EPC1: variants seen among roughly 807,000 people sequenced by gnomAD.
EPC1 encodes enhancer of polycomb 1.
EPC1 carries 12 observed loss-of-function variants against 98.4 expected under a neutral mutation model. That is an observed-to-expected ratio of 0.12 (90% confidence interval 0.08 to 0.20). The LOEUF (loss-of-function observed/expected upper bound fraction) is 0.20. Ranked by LOEUF, EPC1 falls within the 10% of genes least tolerant of loss-of-function variation. EPC1 has a pLI of 1.00. For synonymous variants in EPC1, 357 were observed against 363.9 expected, an observed-to-expected ratio of 0.98 and a Z score of 0.21; for missense variants, 729 against 990.5, an observed-to-expected ratio of 0.74 and a Z score of 3.54.
chr10:32,355,610 T>TG (rs1196727420), intron 1 of EPC1, among the ~76,000 whole-genome samples: 1 of 740 alleles, frequency 1.4e-3, no homozygotes, highest in South Asian at 0.071. Flanking sequence ...CCTTACCCTT[T>TG]TTTTTTTTTT....
intron 1 of EPC1, among the ~76,000 whole-genome samples, chr10:32,342,563 C>T (rs1270100807): frequency 6.6e-6 from 1 of 152,146 alleles, no homozygotes; most frequent in Non-Finnish European, 1.5e-5. Flanking sequence ...CTGTTAGAAT[C>T]CTATAGAACC....
intron 2 of EPC1, among the ~76,000 whole-genome samples, 171 bp downstream of exon 2, chr10:32,305,601 T>C (rs1835833185): frequency 6.6e-6 from 1 of 152,132 alleles, no homozygotes; most frequent in Admixed American, 6.5e-5. Flanking sequence ...TCTTTTCTTG[T>C]CAGATATCTC....
At chr10:32,371,861 C>A (rs570321872) in intron 1 of EPC1, among the ~76,000 whole-genome samples, 1 of 152,064 alleles carries the variant, frequency 6.6e-6, no homozygotes, top group Non-Finnish European at 1.5e-5. Context: ...CAAGATCGAG[C>A]CACTGCACTT....
chr10:32,376,225 G>A (rs756945489), intron 1 of EPC1, among the ~76,000 whole-genome samples: 1 of 151,956 alleles, frequency 6.6e-6, no homozygotes, highest in Non-Finnish European at 1.5e-5. Flanking sequence ...AGAACAAAGA[G>A]CATTGCATAG....
chr10:32,376,631 A>G (rs1392148780), intron 1 of EPC1, among the ~76,000 whole-genome samples: 3 of 152,256 alleles, frequency 2.0e-5, no homozygotes, highest in East Asian at 1.9e-4. Context: ...AAAGGGATAT[A>G]TAGATAGAGT....
At chr10:32,370,984 A>C (rs148633959) in intron 1 of EPC1, among the ~76,000 whole-genome samples, 7 of 152,288 alleles carry the variant, frequency 4.6e-5, no homozygotes, top group Non-Finnish European at 1.0e-4. Context: ...CAGCTTCTTG[A>C]GAAGACCTCC....
chr10:32,271,509 T>C (rs1835841503), intron 13 of EPC1, 45 bp downstream of exon 13: 1 of 1,583,972 alleles, frequency 6.3e-7, no homozygotes, highest in Non-Finnish European at 8.6e-7. Flanking sequence ...AGGACTGAAG[T>C]TAGATCTCTT....
intron 2 of EPC1, among the ~76,000 whole-genome samples, chr10:32,298,946 A>G (rs1482861039): frequency 6.6e-6 from 1 of 152,206 alleles, no homozygotes; most frequent in Non-Finnish European, 1.5e-5. Flanking sequence ...TTTAGGAAAA[A>G]AGTATCCGTT....
chr10:32,319,030 T>C (rs950226753), intron 1 of EPC1, among the ~76,000 whole-genome samples: 4 of 152,316 alleles, frequency 2.6e-5, no homozygotes, highest in African/African-American at 9.6e-5. Context: ...AGAATAAGCA[T>C]CTAATAGAAC....
intron 1 of EPC1, among the ~76,000 whole-genome samples, chr10:32,362,941 T>C (rs1173804240): frequency 1.3e-5 from 2 of 152,204 alleles, no homozygotes; most frequent in Non-Finnish European, 2.9e-5. Flanking sequence ...CTTTACACCA[T>C]ACCTCCTTGG....
chr10:32,346,933 C>G lies in EPC1; in HGVS notation c.-18G>C, dbSNP rs775550844. On this transcript the variant is annotated 5_prime_UTR_variant, in exon 1 of 14. Coordinates refer to ENST00000319778, the MANE Select transcript of EPC1 (RefSeq NM_001272004.3). Reference sequence around the variant, plus strand: ...TTACTCATCTCAGGCGCAGCAGATACCTCTCCGCTCTGGGGAAACGGCCCC... The same window carrying G: ...TTACTCATCTCAGGCGCAGCAGATAGCTCTCCGCTCTGGGGAAACGGCCCC... The G allele has an allele frequency of 6.2e-7, 1 of 1,611,566 alleles. No homozygotes were observed. The highest frequency in any genetic ancestry group is 2.2e-5 in the East Asian group (1 of 44,820).
At chr10:32,340,415 T>A (rs60873997) in intron 1 of EPC1, among the ~76,000 whole-genome samples, 5 of 152,338 alleles carry the variant, frequency 3.3e-5, no homozygotes, top group African/African-American at 1.2e-4. Flanking sequence ...CCACTATATT[T>A]AAAATACTGT....
At chr10:32,363,793 C>T (rs1043106930) in intron 1 of EPC1, among the ~76,000 whole-genome samples, 3 of 151,966 alleles carry the variant, frequency 2.0e-5, no homozygotes, top group African/African-American at 4.8e-5. Context: ...TGAGTTGTTC[C>T]GATAACTGTG....
upstream of EPC1, among the ~76,000 whole-genome samples, chr10:32,351,077 G>A (rs750536500): frequency 1.3e-5 from 2 of 152,114 alleles, no homozygotes; most frequent in Non-Finnish European, 2.9e-5. Flanking sequence ...TTCTGTTGGT[G>A]GCTAGTGGTA....
chr10:32,325,340 C>T (rs908063113), intron 1 of EPC1, among the ~76,000 whole-genome samples: 1 of 152,204 alleles, frequency 6.6e-6, no homozygotes, highest in Non-Finnish European at 1.5e-5. Context: ...ACACATACCT[C>T]ACCCCACAAT....
chr10:32,330,487 A>G (rs1837577152), intron 1 of EPC1, among the ~76,000 whole-genome samples: 1 of 152,164 alleles, frequency 6.6e-6, no homozygotes, highest in African/African-American at 2.4e-5. Flanking sequence ...CAACAGCCCC[A>G]GCAATCGTTT....
At chr10:32,282,348 T>C (rs1011174068) in intron 10 of EPC1, 3 of 152,218 alleles carry the variant, frequency 2.0e-5, no homozygotes, top group African/African-American at 4.8e-5. Context: ...CTGGGCAACA[T>C]AGACCCTATC....
chr10:32,313,204 G>A (rs1181608507), intron 1 of EPC1, among the ~76,000 whole-genome samples: 4 of 152,070 alleles, frequency 2.6e-5, no homozygotes, highest in East Asian at 3.9e-4. Flanking sequence ...ATCATTGATA[G>A]AAAACTTTTG....
chr10:32,351,088 A>G (rs758655340), upstream of EPC1, among the ~76,000 whole-genome samples: 4 of 152,176 alleles, frequency 2.6e-5, no homozygotes, highest in Non-Finnish European at 5.9e-5. Context: ...GCTAGTGGTA[A>G]CCAAAAGTGG....
Sources: gnomAD v4.1 joint callset for allele counts (sites outside exome capture counted in the v4.1 genomes callset) on GRCh38, gnomAD v4.1.1 for gene constraint, MANE v1.5 for transcripts, NCBI Gene and HGNC (gene_info 2026-07-23, HGNC 2026-07-21) for gene names.